Variants in ANKRD27 observed in about 807,000 individuals in gnomAD.
The protein encoded by ANKRD27 is ankyrin repeat domain-containing protein 27.
A neutral mutation model predicts 129.7 loss-of-function variants in ANKRD27; 112 were observed. The ratio of observed to expected loss-of-function variants is 0.86; its 90% CI spans 0.74 to 1.01. The LOEUF (loss-of-function observed/expected upper bound fraction) is 1.01. Ranked by LOEUF, ANKRD27 falls within the 50% of genes least tolerant of loss-of-function variation. The probability of loss-of-function intolerance (pLI) is 0.00; values close to 1 mark genes in which losing one functional copy is unlikely to be tolerated. For synonymous variants in ANKRD27, 516 were observed against 511.2 expected, an observed-to-expected ratio of 1.01 and a Z score of -0.13; for missense variants, 1,258 against 1,300.5, an observed-to-expected ratio of 0.97 and a Z score of 0.50.
chr19:32,636,949 T>C (rs1490287859), intron 12 of ANKRD27, among the ~76,000 whole-genome samples: 1 of 152,110 alleles, frequency 6.6e-6, no homozygotes, highest in Non-Finnish European at 1.5e-5. Flanking sequence ...GGTTTCACCA[T>C]GTTGGCCAGG....
chr19:32,613,600 C>T (rs939099769), intron 22 of ANKRD27, among the ~76,000 whole-genome samples: 1 of 152,148 alleles, frequency 6.6e-6, no homozygotes, highest in Non-Finnish European at 1.5e-5. Flanking sequence ...TGGAATGCCA[C>T]CCCGCCATGG....
intron 24 of ANKRD27, 106 bp downstream of exon 24, chr19:32,605,729 G>A: frequency 6.8e-7 from 1 of 1,471,940 alleles, no homozygotes; most frequent in Non-Finnish European, 9.3e-7. Context: ...TGGGGTTGAT[G>A]GGTGGCCGGG....
At position 32,603,208 on chromosome 19, in the gene ANKRD27, G is replaced by A. The variant is rs550504279; in HGVS notation, c.2655+1055C>T. On this transcript the variant is annotated intron_variant, in intron 25 of 28. Coordinates refer to ENST00000306065, the MANE Select transcript of ANKRD27 (RefSeq NM_032139.3). The stretch of plus-strand genomic sequence containing the variant: ...AGCTACTCAGGAGGCTGAGGCACGA[G>A]AATCGCTTGAACCCAGGAGGCAGAG... 1.2e-3 allele frequency among the ~76,000 whole-genome samples: 176 copies of A among 152,132 alleles called. 1 individual carries two copies. Among genetic ancestry groups the A allele is most frequent in the African/African-American group, 3.9e-3 (162 of 41,530 alleles).
intron 17 of ANKRD27, among the ~76,000 whole-genome samples, chr19:32,623,976 G>C (rs1328317703): frequency 6.6e-6 from 1 of 152,172 alleles, no homozygotes; most frequent in Non-Finnish European, 1.5e-5. Context: ...GCGACTATAT[G>C]CTGAGTTCTG....
At chr19:32,619,829 C>G (rs566500217) in intron 18 of ANKRD27, among the ~76,000 whole-genome samples, 4 of 152,250 alleles carry the variant, frequency 2.6e-5, no homozygotes, top group Non-Finnish European at 5.9e-5. Context: ...CGCATGGACG[C>G]AAGGGATAAG....
intron 1 of ANKRD27, among the ~76,000 whole-genome samples, chr19:32,669,236 A>C (rs1271552269): frequency 6.6e-6 from 1 of 152,196 alleles, no homozygotes; most frequent in Non-Finnish European, 1.5e-5. Context: ...TTCTGCTTGA[A>C]AAAGGCCTGT....
At chr19:32,665,289 ATTTTTT>A (rs11324719) in intron 1 of ANKRD27, among the ~76,000 whole-genome samples, 3 of 129,696 alleles carry the variant, frequency 2.3e-5, no homozygotes. Flanking sequence ...AAATTCATGA[ATTTTTT>A]TTTTTTTTTT....
At position 32,599,708 on chromosome 19, in the gene ANKRD27, T is replaced by A. The variant is rs1971621930; in HGVS notation, c.2915A>T (p.His972Leu). The stretch of plus-strand genomic sequence containing the variant: ...AGCCAGTGTTTAATAACTTACCTCA[T>A]GCAAAGAACCTTCGGTTAAATTAGG... The part of the protein sequence containing the change: ...SVPNLTEGSL[H>L]EPGRQSVTLR... Residue 972 changes from histidine to leucine, a missense_variant, in exon 28 of 29, where the codon CAT becomes CTT. Physicochemically the swap from His to Leu is moderately conservative, Grantham distance 99. Transcript: ENST00000306065. The A allele has an allele frequency of 6.2e-7, 1 of 1,612,538 alleles. No homozygotes were observed. The highest frequency in any genetic ancestry group is 1.3e-5 in the African/African-American group (1 of 74,880).
Position 32,625,930 on chromosome 19 carries a change from G to A in ANKRD27, c.1573C>T (p.Gln525Ter). The part of the protein sequence containing the change: ...LLHYKASAEV[Q>*]DNNGNTPLHL... ...AGTGGCGTATTCCCATTGTTGTCCT[G>A]CACTTCCGCGCTGGCCTTGTAGTGC... The change falls in exon 17 of 29, where the codon CAG (glutamine) becomes TAG (stop). Residue 525 changes from glutamine (Q) to a stop codon, truncating the protein, a stop_gained. Transcript: ENST00000306065. LOFTEE classifies it high-confidence loss of function. 1 of 1,610,860 alleles carries A rather than the reference G, an allele frequency of 6.2e-7. No individual in the cohort carries two copies. Among genetic ancestry groups the A allele is most frequent in the East Asian group, 2.2e-5 (1 of 44,688 alleles).
intron 28 of ANKRD27, among the ~76,000 whole-genome samples, chr19:32,599,319 C>T (rs562038362): frequency 5.1e-5 from 7 of 137,754 alleles, no homozygotes; most frequent in African/African-American, 1.7e-4. Context: ...AAGATGGCCA[C>T]ATAAAGAATT....
intron 5 of ANKRD27, 67 bp from the exon 6 acceptor site, chr19:32,643,698 G>C: frequency 6.5e-7 from 1 of 1,533,380 alleles, no homozygotes; most frequent in Non-Finnish European, 9.0e-7. Context: ...GAGCCGGAGC[G>C]GGTAAGGCGC....
chr19:32,624,911 C>G (rs1972066746), intron 17 of ANKRD27, among the ~76,000 whole-genome samples: 1 of 151,788 alleles, frequency 6.6e-6, no homozygotes, highest in South Asian at 2.1e-4. Context: ...CCAGCCTGGG[C>G]AACAGAACAA....
chr19:32,640,491 G>T, intron 10 of ANKRD27, 106 bp from the exon 11 acceptor site: 1 of 878,446 alleles, frequency 1.1e-6, no homozygotes, highest in Non-Finnish European at 1.9e-6. Context: ...GTATCAGGGA[G>T]ATCATACACT....
chr19:32,619,639 G>C, intron 18 of ANKRD27, 86 bp from the exon 19 acceptor site: 1 of 1,504,070 alleles, frequency 6.6e-7, no homozygotes, highest in African/African-American at 1.4e-5. Context: ...CCCCACTGCC[G>C]GCCTAGCTCC....
intron 17 of ANKRD27, among the ~76,000 whole-genome samples, chr19:32,624,798 G>A (rs1381667633): frequency 6.6e-6 from 1 of 151,964 alleles, no homozygotes; most frequent in Non-Finnish European, 1.5e-5. Context: ...AAATTAGCCA[G>A]GCATGGTGGT....
At chr19:32,610,387 A>G (rs1301123210) in intron 22 of ANKRD27, among the ~76,000 whole-genome samples, 1 of 151,496 alleles carries the variant, frequency 6.6e-6, no homozygotes, top group Non-Finnish European at 1.5e-5. Flanking sequence ...TGGGAGGCTG[A>G]GGCAAAAGGA....
chr19:32,634,786 G>A (rs1013073808), intron 12 of ANKRD27, among the ~76,000 whole-genome samples: 4 of 152,120 alleles, frequency 2.6e-5, no homozygotes, highest in South Asian at 2.1e-4. Context: ...GTAGTGGTGC[G>A]TGCCTGTAGT....
At chr19:32,632,584 CAAAAAAA>C (rs531083631) in intron 12 of ANKRD27, among the ~76,000 whole-genome samples, 5 of 105,270 alleles carry the variant, frequency 4.7e-5, no homozygotes, top group Non-Finnish European at 9.4e-5. Context: ...GACTCCATCT[CAAAAAAA>C]AAAAAAAAAA....
At chr19:32,615,900 C>G (rs531350051) in intron 21 of ANKRD27, 120 bp from the exon 22 acceptor site, 1 of 1,393,936 alleles carries the variant, frequency 7.2e-7, no homozygotes, top group South Asian at 1.4e-5. Context: ...TCCAACCCCA[C>G]AGCCATTTAT....
Sources: allele counts gnomAD v4.1 joint callset (sites outside exome capture counted in the v4.1 genomes callset), GRCh38; gene constraint gnomAD v4.1.1; transcripts MANE v1.5; gene names NCBI Gene and HGNC (gene_info 2026-07-23, HGNC 2026-07-21).